SYCP2: variants seen among roughly 807,000 people sequenced by gnomAD.
SYCP2 encodes the protein synaptonemal complex lateral element protein.
Under a neutral mutation model 211.3 loss-of-function variants are expected in SYCP2, and 55 were observed. The ratio of observed to expected loss-of-function variants is 0.26; its 90% CI spans 0.21 to 0.33. SYCP2 has a LOEUF of 0.33. Among genes scored for constraint, SYCP2 ranks in the 10% least tolerant of loss-of-function variants. The pLI, the probability that SYCP2 is intolerant of heterozygous loss-of-function variation, is 1.00. For synonymous variants in SYCP2, 570 were observed against 555.2 expected, an observed-to-expected ratio of 1.03 and a Z score of -0.37; for missense variants, 1,731 against 1,752.0, an observed-to-expected ratio of 0.99 and a Z score of 0.21.
intron 34 of SYCP2, among the ~76,000 whole-genome samples, chr20:59,874,505 A>G (rs2059516622): frequency 6.6e-6 from 1 of 152,068 alleles, no homozygotes; most frequent in South Asian, 2.1e-4. Context: ...ATATAAATAA[A>G]TCCTCAGACA....
In SYCP2 at chr20:59,900,643, G is replaced by A. The variant is rs541760057; in HGVS notation, c.1257+101C>T. Reference sequence around the variant, plus strand: ...GGTACTGTTTATATTGAGACCATTTGTTTTCTATATATTCACCCTCCAACA... The same window carrying A: ...GGTACTGTTTATATTGAGACCATTTATTTTCTATATATTCACCCTCCAACA... On this transcript the variant is annotated intron_variant, in intron 17 of 44. Transcript: ENST00000357552. 70 of 825,616 alleles carry A rather than the reference G, an allele frequency of 8.5e-5. No homozygotes were observed. In the East Asian group the frequency reaches 1.7e-3, roughly 20 times the overall value. 51.1% of individuals were successfully genotyped at this position (825,616 alleles called of 1,614,324 possible). A position where few individuals can be genotyped will look rare whatever the true frequency, so the allele number is the denominator to read the frequency against.
chr20:59,881,509 CAA>C lies in SYCP2; in HGVS notation c.2659-19_2659-18del, dbSNP rs1555874990. ...CTCTTGGATCTATATTGTAAATAAA[CAA>C]AAAAAAAGAGGTGTCAGTGTCAAAA... On this transcript the variant is annotated intron_variant, in intron 28 of 44. Coordinates refer to ENST00000357552, the MANE Select transcript of SYCP2 (RefSeq NM_014258.4). 332 of 1,313,034 alleles carry C rather than the reference CAA, an allele frequency of 2.5e-4. 3 individuals carry two copies. Among genetic ancestry groups the C allele is most frequent in the East Asian group, 1.9e-3 (69 of 36,130 alleles). 81.3% of individuals were successfully genotyped at this position (1,313,034 alleles called of 1,614,324 possible).
At chr20:59,896,080 A>G (rs1000255316) in intron 19 of SYCP2, among the ~76,000 whole-genome samples, 2 of 152,106 alleles carry the variant, frequency 1.3e-5, no homozygotes, top group Admixed American at 1.3e-4. Context: ...TAGAAAAAAA[A>G]ACTGGTTCTA....
chr20:59,892,007 A>T lies in SYCP2; in HGVS notation c.2347T>A (p.Ser783Thr). The change falls in exon 24 of 45, where the codon TCG becomes ACG. Residue 783 changes from serine (S) to threonine (T), a missense_variant. Around this residue, in one of 3 missense-constraint regions of SYCP2, gnomAD observed 1,387 missense variants for 1,351.3 expected, o/e 1.03. Transcript: ENST00000357552. ...ELTSELNSWD[S>T]KQKKMREKSK... ...AAGCTCACCATTTTTTTTTGTTTCG[A>T]ATCCCAGGAATTAAGCTCAGAAGTC... The T allele has an allele frequency of 3.8e-6, 6 of 1,582,390 alleles. No individual in the cohort carries two copies. The Admixed American group carries it at 5.8e-5, about 15-fold the overall frequency.
At chr20:59,867,881 T>C in intron 38 of SYCP2, 34 bp from the exon 39 acceptor site, 6 of 1,519,136 alleles carry the variant, frequency 3.9e-6, no homozygotes, top group Non-Finnish European at 5.4e-6. Flanking sequence ...GAAGTTAAAA[T>C]ATGCATTACT....
chr20:59,881,877 T>G lies in SYCP2; in HGVS notation c.2658+68A>C, dbSNP rs540731989. The G allele has an allele frequency of 5.4e-5, 68 of 1,264,706 alleles. No individual in the cohort carries two copies. The African/African-American group carries it at 9.6e-4, about 18-fold the overall frequency. The allele number at this position is 1,264,706 out of a possible 1,614,324, so 78.3% of individuals were successfully genotyped here. ...GGATGCACATTAAAAACATTCTATG[T>G]AATAACTGCATGGTAAATGCAATGT... is the stretch of plus-strand genomic sequence containing the variant. On this transcript the variant is annotated intron_variant, in intron 28 of 44. Transcript: ENST00000357552.
intron 5 of SYCP2, among the ~76,000 whole-genome samples, chr20:59,919,982 CTCAGA>C (rs754356862): frequency 6.6e-6 from 1 of 151,500 alleles, no homozygotes; most frequent in Non-Finnish European, 1.5e-5. Context: ...GTACATACAT[CTCAGA>C]TACTATTCTA....
rs1240681670 is a variant in SYCP2, at chr20:59,882,151, T to C, written c.2544A>G (p.Lys848=). Residue 848 remains lysine, a synonymous_variant, in exon 27 of 45, where the codon AAA becomes AAG. Transcript: ENST00000357552. ...TAGTCTTCAGTTTTCTGTAGCTTTTTTTCTGAACTTTTTCCTGAAAAGAGG... is the reference window on the plus strand; with the variant it reads ...TAGTCTTCAGTTTTCTGTAGCTTTTCTTCTGAACTTTTTCCTGAAAAGAGG... ...VVQLSKEKVQ[K]KSYRKLKTTF... The C allele has an allele frequency of 6.2e-6, 10 of 1,611,974 alleles. No individual in the cohort carries two copies. The highest frequency in any genetic ancestry group is 1.7e-5 in the Admixed American group (1 of 59,858).
chr20:59,898,367 C>CA (rs2060050971), intron 18 of SYCP2, among the ~76,000 whole-genome samples: 1 of 152,168 alleles, frequency 6.6e-6, no homozygotes, highest in African/African-American at 2.4e-5. Context: ...GGCACATATA[C>CA]ATCATGGAAT....
intron 5 of SYCP2, 31 bp from the exon 6 acceptor site, chr20:59,919,628 C>A (rs768675910): frequency 4.4e-6 from 6 of 1,350,234 alleles, no homozygotes; most frequent in Non-Finnish European, 6.3e-6. Context: ...ATTAGAGTTC[C>A]ATTTTAATAA....
intron 31 of SYCP2, among the ~76,000 whole-genome samples, chr20:59,879,196 T>C (rs1292630006): frequency 6.6e-6 from 1 of 152,068 alleles, no homozygotes; most frequent in Non-Finnish European, 1.5e-5. Flanking sequence ...TATGATGCAA[T>C]CTAGCCTCAC....
At chr20:59,896,393 T>C (rs1175114822) in intron 19 of SYCP2, 36 bp downstream of exon 19, 2 of 1,204,500 alleles carry the variant, frequency 1.7e-6, no homozygotes, top group South Asian at 1.4e-5. Flanking sequence ...TCCTTTAAAA[T>C]AATTGTTAGA....
intron 1 of SYCP2, among the ~76,000 whole-genome samples, chr20:59,932,814 C>A (rs1347079240): frequency 2.6e-5 from 4 of 152,150 alleles, no homozygotes; most frequent in African/African-American, 9.6e-5. Flanking sequence ...CCCAGCTGCG[C>A]GGAGGGGCTG....
rs1600968829 is a variant in SYCP2 at position 59,916,373 on chromosome 20, A to G, written c.513+113T>C. On this transcript the variant is annotated intron_variant, in intron 8 of 44. Coordinates refer to ENST00000357552, the MANE Select transcript of SYCP2 (RefSeq NM_014258.4). ...TCAGGCAATAGATTATGATAGAAATATACTCCAAGCTAAGTAATTTTGTCC... is the reference window on the plus strand; with the variant it reads ...TCAGGCAATAGATTATGATAGAAATGTACTCCAAGCTAAGTAATTTTGTCC... 1.3e-5 allele frequency: 8 copies of G among 639,582 alleles called. No individual in the cohort carries two copies. The Middle Eastern group carries it at 1.3e-3, about 101-fold the overall frequency. The allele number at this position is 639,582 out of a possible 1,614,324, so 39.6% of individuals were successfully genotyped here.
rs751993257 is a variant in SYCP2 at position 59,886,847 on chromosome 20, G to T, written c.2365-13C>A. 2 of 1,557,160 alleles carry T rather than the reference G, an allele frequency of 1.3e-6. No homozygotes were observed. The highest frequency in any genetic ancestry group is 1.4e-5 in the African/African-American group (1 of 71,854). On this transcript the variant is annotated splice_polypyrimidine_tract_variant and intron_variant, in intron 24 of 44. Coordinates refer to ENST00000357552, the MANE Select transcript of SYCP2 (RefSeq NM_014258.4). ...TTGACTTTTCTCTCTGAAAAAAATT[G>T]TAAGTTACTTTTAAACTCTACCAGT...
At position 59,919,202 on chromosome 20, in the gene SYCP2, A is replaced by ATT. The variant is rs1447668940; in HGVS notation, c.403-22_403-21dup. ...TATGACCTGAAAAAAAGTGAATAATATTTAATTTACAAGTTACTATATATT... is the reference window on the plus strand; with the variant it reads ...TATGACCTGAAAAAAAGTGAATAATATTTTTAATTTACAAGTTACTATATATT... On this transcript the variant is annotated intron_variant, in intron 6 of 44. Transcript: ENST00000357552. 1.7e-6 allele frequency: 2 copies of ATT among 1,175,198 alleles called. No homozygotes were observed. Among genetic ancestry groups the ATT allele is most frequent in the Non-Finnish European group, 2.5e-6 (2 of 804,288 alleles). 72.8% of individuals were successfully genotyped at this position (1,175,198 alleles called of 1,614,324 possible). A position where few individuals can be genotyped will look rare whatever the true frequency, so the allele number is the denominator to read the frequency against.
intron 8 of SYCP2, 89 bp downstream of exon 8, chr20:59,916,397 C>T (rs1290850068): frequency 1.5e-5 from 11 of 730,602 alleles, no homozygotes; most frequent in Middle Eastern, 3.3e-4. Flanking sequence ...GTAATTTTGT[C>T]CTACATGAAA....
intron 33 of SYCP2, among the ~76,000 whole-genome samples, chr20:59,876,959 T>C (rs958785902): frequency 6.6e-5 from 10 of 152,104 alleles, no homozygotes; most frequent in African/African-American, 2.2e-4. Flanking sequence ...AACAGGTGAC[T>C]GGGAATGTTT....
At chr20:59,901,528 A>T (rs1386659696) in intron 16 of SYCP2, 134 bp downstream of exon 16, 2 of 562,760 alleles carry the variant, frequency 3.6e-6, no homozygotes, top group Non-Finnish European at 6.0e-6. Context: ...ATGACTCTTC[A>T]ACAGTACAAA....
Sources: gnomAD v4.1 joint callset for allele counts (sites outside exome capture counted in the v4.1 genomes callset) on GRCh38, gnomAD v4.1.1 for gene constraint, gnomAD v4.1.1 regional missense constraint, MANE v1.5 for transcripts, NCBI Gene and HGNC (gene_info 2026-07-23, HGNC 2026-07-21) for gene names.